Variants in KCNK12 observed in about 807,000 individuals in gnomAD.
KCNK12 encodes the protein potassium channel subfamily K member 12.
A neutral mutation model predicts 25.3 loss-of-function variants in KCNK12; 6 were observed. The observed-to-expected ratio is 0.24, with a 90% CI of 0.13 to 0.47. The LOEUF (loss-of-function observed/expected upper bound fraction) is 0.47. Ranked by LOEUF, KCNK12 falls within the 20% of genes least tolerant of loss-of-function variation. The pLI is 0.99. For synonymous variants in KCNK12, 331 were observed against 311.1 expected, an observed-to-expected ratio of 1.06 and a Z score of -0.67; for missense variants, 444 against 661.7, an observed-to-expected ratio of 0.67 and a Z score of 3.61.
chr2:47,548,338 T>C lies in KCNK12; in HGVS notation c.391+21603A>G, dbSNP rs1290848907. Reference sequence around the variant, plus strand: ...GAGTTCTAGACTGGCCTATCCACTATCTAACTGGCACCCGGCTTGGAAGTG... The same window carrying C: ...GAGTTCTAGACTGGCCTATCCACTACCTAACTGGCACCCGGCTTGGAAGTG... On this transcript the variant is annotated intron_variant, in intron 1 of 1. Coordinates refer to ENST00000327876, the MANE Select transcript of KCNK12 (RefSeq NM_022055.2). The surrounding 1 kb of genome is among the most constrained non-coding windows in gnomAD (Gnocchi z 4.4). 6.6e-6 allele frequency among the ~76,000 whole-genome samples: 1 copy of C among 152,154 alleles called. No homozygotes were observed. Among genetic ancestry groups the C allele is most frequent in the Non-Finnish European group, 1.5e-5 (1 of 68,030 alleles).
At chr2:47,530,309 G>C (rs1390150745) in intron 1 of KCNK12, among the ~76,000 whole-genome samples, 1 of 152,172 alleles carries the variant, frequency 6.6e-6, no homozygotes, top group Non-Finnish European at 1.5e-5. Flanking sequence ...ACTCAGTGGG[G>C]GAGGACTGGA....
In KCNK12 at chr2:47,540,409, C is replaced by G. The variant is rs911539082; in HGVS notation, c.392-18601G>C. Reference sequence around the variant, plus strand: ...AGGGTTTGAATGAGACCCCGGTAACCGCAGCAGTAAAGACCCCTCAAATGC... The same window carrying G: ...AGGGTTTGAATGAGACCCCGGTAACGGCAGCAGTAAAGACCCCTCAAATGC... On this transcript the variant is annotated intron_variant, in intron 1 of 1. Transcript: ENST00000327876. This position sits in a 1 kb window ranked among gnomAD's most constrained non-coding sequence, Gnocchi z 5.4. Among the ~76,000 whole-genome samples the G allele has an allele frequency of 6.6e-6, 1 of 152,154 alleles. No individual in the cohort carries two copies. The highest frequency in any genetic ancestry group is 6.5e-5 in the Admixed American group (1 of 15,276).
chr2:47,519,289 G>A lies in KCNK12; in HGVS notation c.*1618C>T, dbSNP rs754509019. 1.2e-4 allele frequency: 18 copies of A among 152,220 alleles called. No homozygotes were observed. Among genetic ancestry groups the A allele is most frequent in the African/African-American group, 3.6e-4 (15 of 41,424 alleles). 9.4% of individuals were successfully genotyped at this position (152,220 alleles called of 1,614,324 possible). ...CAAGTTTGACTCTAATGCTGGGTGC[G>A]TGAGCGCATGCGTGCATGTTTGTGT... is the stretch of plus-strand genomic sequence containing the variant. On this transcript the variant is annotated 3_prime_UTR_variant, in exon 2 of 2. Transcript: ENST00000327876.
At position 47,521,362 on chromosome 2, in the gene KCNK12, T is replaced by C; in HGVS notation, c.838A>G (p.Asn280Asp). 1 of 1,613,608 alleles carries C rather than the reference T, an allele frequency of 6.2e-7. No homozygotes were observed. Among genetic ancestry groups the C allele is most frequent in the Non-Finnish European group, 8.5e-7 (1 of 1,179,846 alleles). Residue 280 changes from asparagine to aspartate, a missense_variant, in exon 2 of 2, where the codon AAC (asparagine) becomes GAC (aspartate). Transcript: ENST00000327876. ...YRNQGLYRLG[N>D]FLFILLGVCC... is the part of the protein sequence containing the mutation. The stretch of plus-strand genomic sequence containing the variant: ...ACGCCGAGCAGGATGAAGAGGAAGT[T>C]GCCCAGGCGGTAGAGCCCCTGGTTC...
chr2:47,518,777 A>T lies in KCNK12; in HGVS notation c.*2130T>A, dbSNP rs1296960359. On this transcript the variant is annotated 3_prime_UTR_variant, in exon 2 of 2. Coordinates refer to ENST00000327876, the MANE Select transcript of KCNK12 (RefSeq NM_022055.2). The surrounding 1 kb of genome is among the most constrained non-coding windows in gnomAD (Gnocchi z 4.1). ...AAGTCCTCACTGTCTAGATGCCTCT[A>T]TCATGGGGATCTCTTCTTCCCTCTC... 2 of 152,246 alleles carry T rather than the reference A, an allele frequency of 1.3e-5. No homozygotes were observed. The highest frequency in any genetic ancestry group is 4.8e-5 in the African/African-American group (2 of 41,466). 9.4% of individuals were successfully genotyped at this position (152,246 alleles called of 1,614,324 possible). A position where few individuals can be genotyped will look rare whatever the true frequency, so the allele number is the denominator to read the frequency against.
chr2:47,551,447 C>G lies in KCNK12; in HGVS notation c.391+18494G>C, dbSNP rs1031507190. Reference sequence around the variant, plus strand: ...ATTTATTTGTATGTTTATTTTCTATCTCCCCCAACTAGAATGTTAGCTCCA... The same window carrying G: ...ATTTATTTGTATGTTTATTTTCTATGTCCCCCAACTAGAATGTTAGCTCCA... On this transcript the variant is annotated intron_variant, in intron 1 of 1. Coordinates refer to ENST00000327876, the MANE Select transcript of KCNK12 (RefSeq NM_022055.2). The surrounding 1 kb of genome is among the most constrained non-coding windows in gnomAD (Gnocchi z 5.3). 6.6e-6 allele frequency among the ~76,000 whole-genome samples: 1 copy of G among 152,192 alleles called. No individual in the cohort carries two copies. Among genetic ancestry groups the G allele is most frequent in the African/African-American group, 2.4e-5 (1 of 41,434 alleles).
At chr2:47,541,861 G>C (rs1396039517) in intron 1 of KCNK12, among the ~76,000 whole-genome samples, 2 of 152,198 alleles carry the variant, frequency 1.3e-5, no homozygotes, top group Non-Finnish European at 2.9e-5. Flanking sequence ...CATTTCCATT[G>C]TTTAAGTCCC....
In KCNK12 at chr2:47,569,024, G is replaced by A. The variant is rs1030787664; in HGVS notation, c.391+917C>T. Among the ~76,000 whole-genome samples the A allele has an allele frequency of 1.1e-4, 17 of 152,070 alleles. No individual in the cohort carries two copies. Among genetic ancestry groups the A allele is most frequent in the African/African-American group, 3.6e-4 (15 of 41,398 alleles). On this transcript the variant is annotated intron_variant, in intron 1 of 1. Transcript: ENST00000327876. This position sits in a 1 kb window ranked among gnomAD's most constrained non-coding sequence, Gnocchi z 4.1. Reference sequence around the variant, plus strand: ...AAGAAAGAGGAATGAAGGGGTGGATGGAGAGCAGGGGTGGCTCCAGAATTT... The same window carrying A: ...AAGAAAGAGGAATGAAGGGGTGGATAGAGAGCAGGGGTGGCTCCAGAATTT...
rs1203611824 is a variant in KCNK12, at chr2:47,533,467, G to A, written c.392-11659C>T. 2.0e-5 allele frequency among the ~76,000 whole-genome samples: 3 copies of A among 152,228 alleles called. No homozygotes were observed. Among genetic ancestry groups the A allele is most frequent in the African/African-American group, 7.2e-5 (3 of 41,456 alleles). On this transcript the variant is annotated intron_variant, in intron 1 of 1. Transcript: ENST00000327876. The surrounding 1 kb of genome is among the most constrained non-coding windows in gnomAD (Gnocchi z 4.7). Reference sequence around the variant, plus strand: ...CATGGACCTTATTTCACAGCAAAGTGGCTCAGGTGAGGCAGGCAAGGAATG... The same window carrying A: ...CATGGACCTTATTTCACAGCAAAGTAGCTCAGGTGAGGCAGGCAAGGAATG...
rs762740002 is a variant in KCNK12 at position 47,511,788 on chromosome 2, G to A, written c.*9119C>T. 4.6e-5 allele frequency among the ~76,000 whole-genome samples: 7 copies of A among 152,310 alleles called. No individual in the cohort carries two copies. The highest frequency in any genetic ancestry group is 4.1e-4 in the South Asian group (2 of 4,824). On this transcript the variant is annotated 3_prime_UTR_variant, in exon 2 of 2. Transcript: ENST00000327876. This position sits in a 1 kb window ranked among gnomAD's most constrained non-coding sequence, Gnocchi z 4.3. ...AGAGCTCTCATTAGAGCAGCCCTGC[G>A]TTGTAGACTTTTCTGCAGTGACAGA...
rs538696361 is a variant in KCNK12 at position 47,545,109 on chromosome 2, C to T, written c.392-23301G>A. Among the ~76,000 whole-genome samples the T allele has an allele frequency of 9.2e-5, 14 of 152,238 alleles. No homozygotes were observed. The South Asian group carries it at 2.7e-3, about 29-fold the overall frequency. Reference sequence around the variant, plus strand: ...TCTGGGTGGGGAGGGAAGTCATACACAAGAGAGGAGATGGCAAGGTGCTAG... The same window carrying T: ...TCTGGGTGGGGAGGGAAGTCATACATAAGAGAGGAGATGGCAAGGTGCTAG... On this transcript the variant is annotated intron_variant, in intron 1 of 1. Coordinates refer to ENST00000327876, the MANE Select transcript of KCNK12 (RefSeq NM_022055.2).
At position 47,553,429 on chromosome 2, in the gene KCNK12, G is replaced by T. The variant is rs557051257; in HGVS notation, c.391+16512C>A. On this transcript the variant is annotated intron_variant, in intron 1 of 1. Coordinates refer to ENST00000327876, the MANE Select transcript of KCNK12 (RefSeq NM_022055.2). ...TTTGGTGGGGTGGGGGGGCACCCAG[G>T]ATCTCACTCTGTCACCCAGGCAGAA... Among the ~76,000 whole-genome samples, 7 of 152,220 alleles carry T rather than the reference G, an allele frequency of 4.6e-5. No individual in the cohort carries two copies. The East Asian group carries it at 1.4e-3, about 29-fold the overall frequency.
At position 47,557,086 on chromosome 2, in the gene KCNK12, T is replaced by C. The variant is rs1669565510; in HGVS notation, c.391+12855A>G. Among the ~76,000 whole-genome samples, 1 of 152,166 alleles carries C rather than the reference T, an allele frequency of 6.6e-6. No homozygotes were observed. Among genetic ancestry groups the C allele is most frequent in the African/African-American group, 2.4e-5 (1 of 41,434 alleles). ...CAGACTTCAGTGAATGGGCAGGAGA[T>C]GCATGCTGGCAACCCCAATGACAGA... On this transcript the variant is annotated intron_variant, in intron 1 of 1. Transcript: ENST00000327876. This position sits in a 1 kb window ranked among gnomAD's most constrained non-coding sequence, Gnocchi z 4.9.
intron 1 of KCNK12, chr2:47,563,562 G>A (rs1268685507): frequency 4.3e-6 from 1 of 232,990 alleles, no homozygotes; most frequent in Non-Finnish European, 8.5e-6. Context: ...AGGAACAAGG[G>A]TAAATTCACC....
At position 47,515,719 on chromosome 2, in the gene KCNK12, T is replaced by C. The variant is rs986705317; in HGVS notation, c.*5188A>G. Among the ~76,000 whole-genome samples, 5 of 151,636 alleles carry C rather than the reference T, an allele frequency of 3.3e-5. No homozygotes were observed. Among genetic ancestry groups the C allele is most frequent in the Admixed American group, 1.3e-4 (2 of 15,236 alleles). On this transcript the variant is annotated 3_prime_UTR_variant, in exon 2 of 2. Coordinates refer to ENST00000327876, the MANE Select transcript of KCNK12 (RefSeq NM_022055.2). ...AATTACTTCTCATTTCTAGGGAAAA[T>C]TGAAGGAAAAGAAGGAGGGGGATGT... is the stretch of plus-strand genomic sequence containing the variant.
rs1184332662 is a variant in KCNK12 at position 47,570,829 on chromosome 2, C to G, written c.-498G>C. On this transcript the variant is annotated 5_prime_UTR_variant, in exon 1 of 2. Transcript: ENST00000327876. ...TCCCATGAGGCGTTCGGGATCGGCG[C>G]CTCCTAGGTGCGGGCTGTGCGGGCA... The G allele has an allele frequency of 6.6e-6, 1 of 152,256 alleles. No homozygotes were observed. Among genetic ancestry groups the G allele is most frequent in the African/African-American group, 2.4e-5 (1 of 41,452 alleles). The allele number at this position is 152,256 out of a possible 1,614,324, so 9.4% of individuals were successfully genotyped here. A position where few individuals can be genotyped will look rare whatever the true frequency, so the allele number is the denominator to read the frequency against.
chr2:47,553,360 T>C (rs988869031), intron 1 of KCNK12, among the ~76,000 whole-genome samples: 2 of 152,226 alleles, frequency 1.3e-5, no homozygotes, highest in Non-Finnish European at 2.9e-5. Context: ...TAAGCACATA[T>C]TCCTCAGTGA....
In KCNK12 at chr2:47,519,919, G is replaced by A. The variant is rs941477083; in HGVS notation, c.*988C>T. On this transcript the variant is annotated 3_prime_UTR_variant, in exon 2 of 2. Coordinates refer to ENST00000327876, the MANE Select transcript of KCNK12 (RefSeq NM_022055.2). ...TTCAGAGGAGGAGGAGGAGAAGCTG[G>A]AGGGCTGCGCCCGGCAACCCCATGA... is the stretch of plus-strand genomic sequence containing the variant. 11 of 152,206 alleles carry A rather than the reference G, an allele frequency of 7.2e-5. No homozygotes were observed. The highest frequency in any genetic ancestry group is 2.7e-4 in the African/African-American group (11 of 41,430). 9.4% of individuals were successfully genotyped at this position (152,206 alleles called of 1,614,324 possible). A position where few individuals can be genotyped will look rare whatever the true frequency, so the allele number is the denominator to read the frequency against.
rs980203152 is a variant in KCNK12, at chr2:47,548,007, A to G, written c.391+21934T>C. 1.3e-5 allele frequency among the ~76,000 whole-genome samples: 2 copies of G among 152,040 alleles called. No individual in the cohort carries two copies. Among genetic ancestry groups the G allele is most frequent in the Non-Finnish European group, 2.9e-5 (2 of 68,014 alleles). On this transcript the variant is annotated intron_variant, in intron 1 of 1. Transcript: ENST00000327876. The surrounding 1 kb of genome is among the most constrained non-coding windows in gnomAD (Gnocchi z 4.4). ...GCCGTTCTCATGATAGTAAGTTCTC[A>G]TGAGATCTGGTTGTTTAAAAGTGTG...
Sources: gnomAD v4.1 joint callset for allele counts (sites outside exome capture counted in the v4.1 genomes callset) on GRCh38, gnomAD v4.1.1 for gene constraint, Gnocchi (gnomAD v3.1) non-coding constraint, MANE v1.5 for transcripts, NCBI Gene and HGNC (gene_info 2026-07-23, HGNC 2026-07-21) for gene names.